The following CD22 variants were observed in gnomAD, a reference collection of about 807,000 sequenced individuals.
CD22 encodes the protein CD22 molecule.
A neutral mutation model predicts 94.7 loss-of-function variants in CD22; 51 were observed. That is an observed-to-expected ratio of 0.54 (90% confidence interval 0.43 to 0.68). The LOEUF (loss-of-function observed/expected upper bound fraction) is 0.68. Among genes scored for constraint, CD22 ranks in the 30% least tolerant of loss-of-function variants. CD22 has a pLI of 0.00. For missense variants in CD22, 931 were observed against 1,060.4 expected, an observed-to-expected ratio of 0.88 and a Z score of 1.69; for synonymous variants, 424 against 422.5, an observed-to-expected ratio of 1.00 and a Z score of -0.04.
chr19:35,333,798 C>G (rs769185027), intron 3 of CD22, among the ~76,000 whole-genome samples: 3 of 152,198 alleles, frequency 2.0e-5, no homozygotes, highest in Non-Finnish European at 2.9e-5. Flanking sequence ...AATCCTCCTG[C>G]TTCAACCTCT....
At chr19:35,333,056 C>T (rs1490419999) in intron 3 of CD22, 132 bp downstream of exon 3, 11 of 891,718 alleles carry the variant, frequency 1.2e-5, no homozygotes, top group Non-Finnish European at 1.7e-5. Context: ...CAGCGGATGA[C>T]GATGGCGATG....
At chr19:35,343,322 G>A (rs959733186) in intron 9 of CD22, among the ~76,000 whole-genome samples, 18 of 151,994 alleles carry the variant, frequency 1.2e-4, no homozygotes, top group Non-Finnish European at 2.2e-4. Context: ...AGACAGACGC[G>A]GCTCACTCTT....
At chr19:35,334,904 C>T (rs1209966876) in intron 3 of CD22, among the ~76,000 whole-genome samples, 1 of 151,854 alleles carries the variant, frequency 6.6e-6, no homozygotes, top group Non-Finnish European at 1.5e-5. Context: ...CAGTGAAACC[C>T]TGTCTCTACT....
Position 35,332,479 on chromosome 19 carries a change from A to G in CD22, c.35-68A>G, listed in dbSNP as rs1324641516. ...AATAAAAAATTAAACAAATTTTAAA[A>G]TAAAAAATAACTTTTAAAAGAAGGC... On this transcript the variant is annotated intron_variant, in intron 2 of 13. Coordinates refer to ENST00000085219, the MANE Select transcript of CD22 (RefSeq NM_001771.4). 1.2e-5 allele frequency: 17 copies of G among 1,433,364 alleles called. No homozygotes were observed. In the Middle Eastern group the frequency reaches 7.1e-4, roughly 60 times the overall value. The allele number at this position is 1,433,364 out of a possible 1,614,324, so 88.8% of individuals were successfully genotyped here.
At position 35,336,213 on chromosome 19, in the gene CD22, C is replaced by T; in HGVS notation, c.590C>T (p.Ser197Phe). 1 of 1,614,234 alleles carries T rather than the reference C, an allele frequency of 6.2e-7. No individual in the cohort carries two copies. The highest frequency in any genetic ancestry group is 8.5e-7 in the Non-Finnish European group (1 of 1,180,046). ...AVTSTSLTIKSVFTRSELKFS... is the reference protein window; with the variant it reads ...AVTSTSLTIKFVFTRSELKFS... ...ACCTCGACCTCCTTGACCATCAAGT[C>T]TGTCTTCACCCGGAGCGAGCTCAAG... Residue 197 changes from serine to phenylalanine, a missense_variant, in exon 4 of 14, where the codon TCT becomes TTT. Transcript: ENST00000085219.
At chr19:35,332,977 C>A in intron 3 of CD22, 53 bp downstream of exon 3, 1 of 1,557,122 alleles carries the variant, frequency 6.4e-7, no homozygotes, top group Middle Eastern at 1.9e-4. Context: ...GAGTGGGAGG[C>A]AGGAAATACC....
chr19:35,335,859 A>G (rs375465795), intron 3 of CD22, among the ~76,000 whole-genome samples, 177 bp from the exon 4 acceptor site: 1 of 152,150 alleles, frequency 6.6e-6, no homozygotes, highest in African/African-American at 2.4e-5. Flanking sequence ...CATCTCAAAA[A>G]AACAACAACA....
intron 9 of CD22, among the ~76,000 whole-genome samples, chr19:35,343,715 G>A (rs1001197427): frequency 2.0e-5 from 3 of 151,644 alleles, no homozygotes; most frequent in African/African-American, 7.3e-5. Flanking sequence ...ACACCTCATA[G>A]CAGGATCTCA....
At chr19:35,331,644 T>G in intron 1 of CD22, 2 of 208,440 alleles carry the variant, frequency 9.6e-6, no homozygotes, top group Non-Finnish European at 2.0e-5. Context: ...AGATCAGGAG[T>G]TCAAGACCAG....
In CD22 at chr19:35,331,808, C is replaced by T. The variant is rs998961895; in HGVS notation, c.-22-211C>T. ...GTTGCAGTGAGCGGAGATCACACCACTGCACTCTAGCCTGGGAGACAGAGC... is the reference window on the plus strand; with the variant it reads ...GTTGCAGTGAGCGGAGATCACACCATTGCACTCTAGCCTGGGAGACAGAGC... On this transcript the variant is annotated intron_variant, in intron 1 of 13. Coordinates refer to ENST00000085219, the MANE Select transcript of CD22 (RefSeq NM_001771.4). 13 of 955,290 alleles carry T rather than the reference C, an allele frequency of 1.4e-5. No homozygotes were observed. The South Asian group carries it at 2.3e-4, about 17-fold the overall frequency. 59.2% of individuals were successfully genotyped at this position (955,290 alleles called of 1,614,324 possible).
Position 35,332,091 on chromosome 19 carries a change from G to C in CD22, c.34+17G>C. 1 of 1,613,944 alleles carries C rather than the reference G, an allele frequency of 6.2e-7. No individual in the cohort carries two copies. The highest frequency in any genetic ancestry group is 8.5e-7 in the Non-Finnish European group (1 of 1,179,886). On this transcript the variant is annotated intron_variant, in intron 2 of 13. Transcript: ENST00000085219. ...TGCTCCTGGGTAAGGACTGTGGCCTGGGCTAGTACTGGGGTTCTGGGATGT... is the reference window on the plus strand; with the variant it reads ...TGCTCCTGGGTAAGGACTGTGGCCTCGGCTAGTACTGGGGTTCTGGGATGT...
At chr19:35,332,415 C>T (rs2066657788) in intron 2 of CD22, 132 bp from the exon 3 acceptor site, 1 of 1,001,686 alleles carries the variant, frequency 1.0e-6, no homozygotes, top group East Asian at 2.7e-5. Flanking sequence ...AGTTCAAGGC[C>T]AGCTTGGACA....
intron 6 of CD22, among the ~76,000 whole-genome samples, chr19:35,338,703 A>G (rs1204231229): frequency 6.6e-6 from 1 of 151,894 alleles, no homozygotes; most frequent in African/African-American, 2.4e-5. Flanking sequence ...ATCTCGGCTC[A>G]CTGCAAGCTC....
chr19:35,343,761 G>C (rs369872464), intron 9 of CD22, among the ~76,000 whole-genome samples: 2 of 151,866 alleles, frequency 1.3e-5, no homozygotes, highest in African/African-American at 4.8e-5. Context: ...TTTTAAAAAC[G>C]AACAAACAAA....
chr19:35,337,852 G>A lies in CD22; in HGVS notation c.816G>A (p.Pro272=), dbSNP rs1465109237. ...TMTCEVSSSN[P]EYTTVSWLKD... Reference sequence around the variant, plus strand: ...CCTGCGAGGTCAGCAGCAGCAACCCGGAGTACACGACGGTATCCTGGCTCA... The same window carrying A: ...CCTGCGAGGTCAGCAGCAGCAACCCAGAGTACACGACGGTATCCTGGCTCA... The change falls in exon 5 of 14, where the codon CCG becomes CCA. Residue 272 remains proline (P), a synonymous_variant. Coordinates refer to ENST00000085219, the MANE Select transcript of CD22 (RefSeq NM_001771.4). This position sits in a 1 kb window ranked among gnomAD's most constrained non-coding sequence, Gnocchi z 4.4. 12 of 1,613,984 alleles carry A rather than the reference G, an allele frequency of 7.4e-6. No homozygotes were observed. Among genetic ancestry groups the A allele is most frequent in the Admixed American group, 5.0e-5 (3 of 59,988 alleles).
At chr19:35,331,936 C>T (rs1187300608) in intron 1 of CD22, 83 bp from the exon 2 acceptor site, 33 of 1,605,618 alleles carry the variant, frequency 2.1e-5, no homozygotes, top group Non-Finnish European at 2.6e-5. Context: ...GGGGAAGGGT[C>T]GGAGCTCAGT....
chr19:35,330,919 T>G (rs2066636205), intron 1 of CD22: 1 of 152,038 alleles, frequency 6.6e-6, no homozygotes, highest in Non-Finnish European at 1.5e-5. Flanking sequence ...TGTACATTTT[T>G]AGTTTATTTT....
At chr19:35,342,875 A>G (rs1176201043) in intron 9 of CD22, among the ~76,000 whole-genome samples, 1 of 152,022 alleles carries the variant, frequency 6.6e-6, no homozygotes, top group Non-Finnish European at 1.5e-5. Flanking sequence ...CAGTGGCGTG[A>G]TCACGGCTCA....
chr19:35,345,244 C>G, intron 11 of CD22, 118 bp downstream of exon 11: 2 of 814,794 alleles, frequency 2.5e-6, no homozygotes, highest in African/African-American at 3.5e-5. Flanking sequence ...ATGGTGAAAC[C>G]CTGTCTCTAC....
Sources: allele counts gnomAD v4.1 joint callset (sites outside exome capture counted in the v4.1 genomes callset), GRCh38; gene constraint gnomAD v4.1.1; non-coding constraint Gnocchi (gnomAD v3.1); transcripts MANE v1.5; gene names NCBI Gene and HGNC (gene_info 2026-07-23, HGNC 2026-07-21).